The following ACVR1C variants were observed in gnomAD, a reference collection of about 807,000 sequenced individuals.
ACVR1C encodes the protein activin receptor type-1C.
A neutral mutation model predicts 57.9 loss-of-function variants in ACVR1C; 23 were observed. The ratio of observed to expected loss-of-function variants is 0.40; its 90% confidence interval spans 0.29 to 0.56. The LOEUF is 0.56. ACVR1C is among the 20% of genes least tolerant of loss of function. The pLI, the probability that ACVR1C is intolerant of heterozygous loss-of-function variation, is 0.50. For synonymous variants in ACVR1C, 214 were observed against 215.3 expected (o/e 0.99, Z 0.05); for missense variants, 480 against 607.9 (o/e 0.79, Z 2.21).
rs565417196 is a variant in ACVR1C at position 157,549,633 on chromosome 2, A to G, written c.775+529T>C. On this transcript the variant is annotated intron_variant, in intron 4 of 8. Transcript: ENST00000243349. ...CTTCATTGTATGGTTATGTATATTT[A>G]TCCGTTGGAAAGAGGAAAGGATTTT... Among the ~76,000 whole-genome samples, 24 of 152,136 alleles carry G rather than the reference A, an allele frequency of 1.6e-4. No homozygotes were observed. In the East Asian group the frequency reaches 4.6e-3, roughly 29 times the overall value.
At chr2:157,597,258 AC>A in intron 1 of ACVR1C, 7 of 811,442 alleles carry the variant, frequency 8.6e-6, no homozygotes, top group Non-Finnish European at 1.0e-5. Flanking sequence ...GGGTTTGGTA[AC>A]ACTCACTGCC....
chr2:157,561,258 C>T (rs1688225398), intron 2 of ACVR1C, among the ~76,000 whole-genome samples: 2 of 152,200 alleles, frequency 1.3e-5, no homozygotes, highest in African/African-American at 2.4e-5. Flanking sequence ...GGAGGTATAA[C>T]TATTAATATC....
At chr2:157,578,166 A>G (rs1476284944) in intron 2 of ACVR1C, among the ~76,000 whole-genome samples, 1 of 152,168 alleles carries the variant, frequency 6.6e-6, no homozygotes, top group East Asian at 1.9e-4. Flanking sequence ...CGGCCTCTCA[A>G]AGCATCGGGA....
intron 2 of ACVR1C, among the ~76,000 whole-genome samples, chr2:157,559,942 G>A (rs963299107): frequency 2.0e-5 from 3 of 151,484 alleles, no homozygotes; most frequent in Admixed American, 1.3e-4. Context: ...GAAAGAGAGA[G>A]AGAAGCAAGG....
intron 1 of ACVR1C, among the ~76,000 whole-genome samples, chr2:157,607,999 G>A (rs1428518254): frequency 6.6e-6 from 1 of 151,718 alleles, no homozygotes; most frequent in Admixed American, 6.6e-5. Context: ...TGACTTCTGT[G>A]GCTGGGGCTT....
intron 1 of ACVR1C, among the ~76,000 whole-genome samples, chr2:157,590,251 C>T (rs987464211): frequency 6.6e-6 from 1 of 151,824 alleles, no homozygotes; most frequent in Admixed American, 6.6e-5. Flanking sequence ...AACTTTTTAC[C>T]ATATAATCTT....
chr2:157,553,252 T>C (rs575429862), intron 3 of ACVR1C, among the ~76,000 whole-genome samples: 28 of 152,308 alleles, frequency 1.8e-4, no homozygotes, highest in Non-Finnish European at 2.8e-4. Context: ...ACCCATTCTC[T>C]GATTATCAAA....
At chr2:157,596,597 C>G (rs1239380675) in intron 1 of ACVR1C, among the ~76,000 whole-genome samples, 1 of 152,124 alleles carries the variant, frequency 6.6e-6, no homozygotes, top group Non-Finnish European at 1.5e-5. Context: ...CTTAGAAAAT[C>G]TCCCATCCAG....
At chr2:157,590,670 G>T (rs1689039147) in intron 1 of ACVR1C, among the ~76,000 whole-genome samples, 1 of 151,860 alleles carries the variant, frequency 6.6e-6, no homozygotes, top group Non-Finnish European at 1.5e-5. Context: ...TGATACAGAA[G>T]AACCATATAT....
intron 8 of ACVR1C, among the ~76,000 whole-genome samples, chr2:157,535,294 A>C (rs1687454937): frequency 6.6e-6 from 1 of 152,176 alleles, no homozygotes; most frequent in African/African-American, 2.4e-5. Flanking sequence ...CATGCCTTTA[A>C]ACATTGCAGT....
At position 157,556,445 on chromosome 2, in the gene ACVR1C, T is replaced by C. The variant is rs1246947081; in HGVS notation, c.305-113A>G. The C allele has an allele frequency of 8.8e-6, 12 of 1,361,810 alleles. No homozygotes were observed. In the Admixed American group the frequency reaches 1.0e-4, roughly 12 times the overall value. 84.4% of individuals were successfully genotyped at this position (1,361,810 alleles called of 1,614,324 possible). A position where few individuals can be genotyped will look rare whatever the true frequency, so the allele number is the denominator to read the frequency against. The stretch of plus-strand genomic sequence containing the variant: ...ATCCAGAATATTCAGCTACACAGTA[T>C]GCACTTATGTTCATTGGTAAAGGCT... On this transcript the variant is annotated intron_variant, in intron 2 of 8. Coordinates refer to ENST00000243349, the MANE Select transcript of ACVR1C (RefSeq NM_145259.3).
chr2:157,604,183 A>G (rs1363941232), intron 1 of ACVR1C, among the ~76,000 whole-genome samples: 1 of 152,072 alleles, frequency 6.6e-6, no homozygotes, highest in Non-Finnish European at 1.5e-5. Flanking sequence ...ACATATAGAA[A>G]TTATTACAGT....
At chr2:157,551,257 A>C (rs569704445) in intron 3 of ACVR1C, among the ~76,000 whole-genome samples, 3 of 152,248 alleles carry the variant, frequency 2.0e-5, no homozygotes, top group African/African-American at 7.2e-5. Context: ...CATCTGAAAA[A>C]CTGGGGATAA....
intron 3 of ACVR1C, among the ~76,000 whole-genome samples, chr2:157,554,637 G>C (rs2105223155): frequency 6.6e-6 from 1 of 152,292 alleles, no homozygotes; most frequent in East Asian, 1.9e-4. Flanking sequence ...ATCTGGGTTT[G>C]ATTATGCTTT....
chr2:157,574,775 T>C (rs1271922952), intron 2 of ACVR1C, among the ~76,000 whole-genome samples: 1 of 152,294 alleles, frequency 6.6e-6, no homozygotes, highest in Middle Eastern at 3.4e-3. Flanking sequence ...GATCTGAAGA[T>C]GGGTAGTCCA....
chr2:157,545,637 TG>T (rs1426244412), intron 4 of ACVR1C, among the ~76,000 whole-genome samples: 2 of 151,980 alleles, frequency 1.3e-5, no homozygotes, highest in Non-Finnish European at 2.9e-5. Flanking sequence ...AAAATGAAAG[TG>T]AAGTTAGAGA....
At chr2:157,555,101 C>CTTTTTTTTTTTTTT (rs60269781) in intron 3 of ACVR1C, among the ~76,000 whole-genome samples, 12 of 83,946 alleles carry the variant, frequency 1.4e-4, no homozygotes, top group African/African-American at 4.2e-4. Context: ...ACTTTGAACG[C>CTTTTTTTTTTTTTT]TTTTTTTTTT....
chr2:157,537,921 T>A (rs1687527273), intron 8 of ACVR1C, among the ~76,000 whole-genome samples: 1 of 152,168 alleles, frequency 6.6e-6, no homozygotes, highest in Non-Finnish European at 1.5e-5. Context: ...ACAAGATAAA[T>A]AACAATGGAG....
chr2:157,591,881 A>G (rs1689060072), intron 1 of ACVR1C, among the ~76,000 whole-genome samples: 1 of 152,062 alleles, frequency 6.6e-6, no homozygotes, highest in Non-Finnish European at 1.5e-5. Context: ...AAAGTGACTG[A>G]CTTACGTAAC....
Sources: gnomAD v4.1 joint callset for allele counts (sites outside exome capture counted in the v4.1 genomes callset) on GRCh38, gnomAD v4.1.1 for gene constraint, MANE v1.5 for transcripts, NCBI Gene and HGNC (gene_info 2026-07-23, HGNC 2026-07-21) for gene names.